SLC44A5: variants seen among roughly 807,000 people sequenced by gnomAD.
SLC44A5 encodes the protein choline transporter-like protein 5.
In SLC44A5, 57 loss-of-function variants were observed where a neutral mutation model predicts 101.8. The observed-to-expected ratio is 0.56, with a 90% CI of 0.45 to 0.70. SLC44A5 has a LOEUF of 0.70. Among genes scored for constraint, SLC44A5 ranks in the 30% least tolerant of loss-of-function variants. The pLI, the probability that SLC44A5 is intolerant of heterozygous loss-of-function variation, is 0.00. For synonymous variants in SLC44A5, 281 were observed against 290.9 expected (o/e 0.97, Z 0.35); for missense variants, 737 against 853.1 (o/e 0.86, Z 1.70).
intron 1 of SLC44A5, among the ~76,000 whole-genome samples, chr1:75,594,466 G>T (rs541815028): frequency 3.4e-4 from 51 of 152,050 alleles, no homozygotes; most frequent in African/African-American, 1.2e-3. Flanking sequence ...TAGAAAAATA[G>T]TAAGACTAAA....
intron 2 of SLC44A5, among the ~76,000 whole-genome samples, chr1:75,466,479 A>G (rs377260062): frequency 1.3e-4 from 20 of 152,008 alleles, no homozygotes; most frequent in African/African-American, 4.8e-4. Flanking sequence ...ACATAGTGAA[A>G]CCCTGTCTCT....
intron 1 of SLC44A5, chr1:75,582,013 A>G (rs1673723840): frequency 1.8e-6 from 1 of 570,334 alleles, no homozygotes; most frequent in Non-Finnish European, 3.1e-6. Flanking sequence ...TAATGCAAAC[A>G]GACCAAGATA....
the SLC44A5 span, among the ~76,000 whole-genome samples, chr1:75,669,867 T>C: frequency 6.6e-6 from 1 of 152,298 alleles, no homozygotes; most frequent in African/African-American, 2.4e-5. Context: ...CCTTCATAGA[T>C]GAATGAAAGG....
At chr1:75,612,629 A>G (rs1354034606), upstream of SLC44A5, among the ~76,000 whole-genome samples, 1 of 152,204 alleles carries the variant, frequency 6.6e-6, no homozygotes, top group East Asian at 1.9e-4. Context: ...TGCTTCTTCC[A>G]GGCCTCCTCT....
intron 5 of SLC44A5, 121 bp downstream of exon 5, chr1:75,300,491 A>T: frequency 1.9e-6 from 1 of 539,900 alleles, no homozygotes; most frequent in Non-Finnish European, 3.0e-6. Flanking sequence ...TTCCTCCAGG[A>T]AAGACAACAG....
intron 3 of SLC44A5, among the ~76,000 whole-genome samples, chr1:75,385,550 A>G (rs1661260310): frequency 1.3e-5 from 2 of 152,224 alleles, no homozygotes; most frequent in African/African-American, 2.4e-5. Flanking sequence ...AGGCTCTGAA[A>G]TTGTGGCAAT....
intron 6 of SLC44A5, among the ~76,000 whole-genome samples, chr1:75,260,451 G>A (rs1213592588): frequency 6.6e-6 from 1 of 151,986 alleles, no homozygotes; most frequent in Non-Finnish European, 1.5e-5. Context: ...CTGGTAAAGG[G>A]GTCAATGCAA....
At chr1:75,476,641 G>A (rs903155331) in intron 2 of SLC44A5, among the ~76,000 whole-genome samples, 23 of 152,328 alleles carry the variant, frequency 1.5e-4, no homozygotes, top group South Asian at 4.1e-4. Flanking sequence ...ACGGAGTCTC[G>A]CTGATTGCTA....
chr1:75,520,547 G>A (rs991914707), intron 2 of SLC44A5, among the ~76,000 whole-genome samples: 1 of 152,002 alleles, frequency 6.6e-6, no homozygotes, highest in African/African-American at 2.4e-5. Flanking sequence ...GAATAGACAG[G>A]GATAATTGAA....
chr1:75,293,183 G>T (rs1297892352), intron 5 of SLC44A5, among the ~76,000 whole-genome samples: 2 of 152,154 alleles, frequency 1.3e-5, no homozygotes, highest in Non-Finnish European at 2.9e-5. Flanking sequence ...ATTTATTCAG[G>T]CAAATTATCT....
At chr1:75,244,788 T>C (rs1426073500) in intron 7 of SLC44A5, among the ~76,000 whole-genome samples, 1 of 152,120 alleles carries the variant, frequency 6.6e-6, no homozygotes, top group African/African-American at 2.4e-5. Flanking sequence ...ACACTATTGG[T>C]TTTGCTTTTT....
At chr1:75,299,062 CAA>C (rs1292221048) in intron 5 of SLC44A5, among the ~76,000 whole-genome samples, 4 of 151,946 alleles carry the variant, frequency 2.6e-5, no homozygotes, top group Admixed American at 2.6e-4. Flanking sequence ...TAAAAACAAA[CAA>C]AAAATTACAC....
intron 2 of SLC44A5, among the ~76,000 whole-genome samples, chr1:75,434,635 C>T (rs553409120): frequency 3.9e-5 from 6 of 152,254 alleles, no homozygotes; most frequent in African/African-American, 1.4e-4. Flanking sequence ...ACTCAGTCTG[C>T]TGTGGCCGGG....
intron 4 of SLC44A5, among the ~76,000 whole-genome samples, chr1:75,319,700 T>A (rs1287688055): frequency 6.6e-6 from 1 of 152,160 alleles, no homozygotes; most frequent in African/African-American, 2.4e-5. Flanking sequence ...TGTTTAACTA[T>A]AATGAAGGGT....
chr1:75,487,582 C>T (rs1046149705), intron 2 of SLC44A5, among the ~76,000 whole-genome samples: 3 of 152,174 alleles, frequency 2.0e-5, no homozygotes, highest in Admixed American at 6.5e-5. Flanking sequence ...GGACTGTGAT[C>T]ATTTCTATGA....
At chr1:75,549,681 T>C (rs953261579) in intron 1 of SLC44A5, among the ~76,000 whole-genome samples, 25 of 152,262 alleles carry the variant, frequency 1.6e-4, no homozygotes, top group African/African-American at 5.3e-4. Context: ...TAAAACCGTG[T>C]ACTTACAAGG....
the SLC44A5 span, among the ~76,000 whole-genome samples, chr1:75,715,662 C>T: frequency 1.3e-5 from 2 of 152,102 alleles, no homozygotes; most frequent in Non-Finnish European, 2.9e-5. Context: ...GGAGTAAAGC[C>T]ATAAATGTAA....
intron 3 of SLC44A5, among the ~76,000 whole-genome samples, chr1:75,368,221 T>G (rs944929323): frequency 1.3e-5 from 2 of 152,196 alleles, no homozygotes; most frequent in African/African-American, 4.8e-5. Flanking sequence ...ATCTGATCAA[T>G]CAGTACAAAG....
chr1:75,533,213 T>C (rs1333172635), intron 2 of SLC44A5, among the ~76,000 whole-genome samples: 1 of 152,194 alleles, frequency 6.6e-6, no homozygotes, highest in Non-Finnish European at 1.5e-5. Flanking sequence ...ATCTGTGCCA[T>C]ACAATTTAGC....
Sources: allele counts gnomAD v4.1 joint callset (sites outside exome capture counted in the v4.1 genomes callset), GRCh38; gene constraint gnomAD v4.1.1; transcripts MANE v1.5; gene names NCBI Gene and HGNC (gene_info 2026-07-23, HGNC 2026-07-21).